The following KLF12 variants were observed in gnomAD, a reference collection of about 807,000 sequenced individuals.
The protein encoded by KLF12 is Krueppel-like factor 12.
In KLF12, 9 loss-of-function variants were observed where a neutral mutation model predicts 37.8. The observed-to-expected ratio is 0.24, with a 90% CI of 0.14 to 0.42. KLF12 has a LOEUF of 0.42. Ranked by LOEUF, KLF12 falls within the 10% of genes least tolerant of loss-of-function variation. The pLI, the probability that KLF12 is intolerant of heterozygous loss-of-function variation, is 1.00. For synonymous variants in KLF12, 208 were observed against 202.1 expected (o/e 1.03, Z -0.25); for missense variants, 411 against 516.0 (o/e 0.80, Z 1.97).
At chr13:73,908,484 CTTTTGTTT>C (rs1888417688) in intron 3 of KLF12, among the ~76,000 whole-genome samples, 1 of 146,150 alleles carries the variant, frequency 6.8e-6, no homozygotes, top group Non-Finnish European at 1.5e-5. Flanking sequence ...TTCTTTTTTT[CTTTTGTTT>C]TTTTTTGAGA....
At chr13:74,145,164 T>C in the KLF12 span, among the ~76,000 whole-genome samples, 1 of 152,142 alleles carries the variant, frequency 6.6e-6, no homozygotes, top group Non-Finnish European at 1.5e-5. Context: ...CACATAAAGA[T>C]TATAATGAAG....
At chr13:74,177,995 T>C in the KLF12 span, among the ~76,000 whole-genome samples, 1 of 152,242 alleles carries the variant, frequency 6.6e-6, no homozygotes, top group Non-Finnish European at 1.5e-5. Context: ...TAGTCTTAAA[T>C]GCATTAGGGG....
chr13:74,124,084 G>T (rs1877798465), intron 1 of KLF12, among the ~76,000 whole-genome samples: 1 of 152,114 alleles, frequency 6.6e-6, no homozygotes, highest in Non-Finnish European at 1.5e-5. Context: ...AAAACACAAG[G>T]TAACGGCCTC....
chr13:74,106,376 G>T (rs117575545), intron 1 of KLF12, among the ~76,000 whole-genome samples: 2,350 of 152,184 alleles, frequency 0.015, 25 homozygotes, highest in Non-Finnish European at 0.025. Flanking sequence ...TGGTGAAATT[G>T]TGATTAATAT....
At chr13:74,138,694 C>G (rs1878625788), upstream of KLF12, among the ~76,000 whole-genome samples, 1 of 152,108 alleles carries the variant, frequency 6.6e-6, no homozygotes, top group South Asian at 2.1e-4. Context: ...TCATGCAGGC[C>G]TTTTCCAGAC....
At chr13:74,152,065 T>A in the KLF12 span, among the ~76,000 whole-genome samples, 7 of 152,158 alleles carry the variant, frequency 4.6e-5, no homozygotes, top group Admixed American at 6.5e-5. Context: ...GTGGCCTGAC[T>A]TTGGAATATA....
chr13:73,782,655 A>T (rs2138203239), intron 5 of KLF12, among the ~76,000 whole-genome samples: 1 of 152,372 alleles, frequency 6.6e-6, no homozygotes, highest in East Asian at 1.9e-4. Context: ...AGTAACCAGT[A>T]TTTTGGAAAT....
At chr13:74,099,465 C>T (rs1207707749) in intron 1 of KLF12, among the ~76,000 whole-genome samples, 1 of 152,202 alleles carries the variant, frequency 6.6e-6, no homozygotes, top group African/African-American at 2.4e-5. Context: ...CACCCTCCAA[C>T]CACGAGAAGA....
intron 6 of KLF12, among the ~76,000 whole-genome samples, chr13:73,753,355 C>T (rs1283731795): frequency 6.6e-6 from 1 of 152,150 alleles, no homozygotes; most frequent in East Asian, 1.9e-4. Flanking sequence ...TCCTGTCATT[C>T]AGCTCCCAGA....
intron 2 of KLF12, among the ~76,000 whole-genome samples, chr13:73,979,901 T>A (rs1312358528): frequency 6.6e-6 from 1 of 152,020 alleles, no homozygotes; most frequent in African/African-American, 2.4e-5. Flanking sequence ...TGGCTGGTGT[T>A]CTTATAAGAA....
intron 1 of KLF12, among the ~76,000 whole-genome samples, chr13:74,041,695 C>G (rs1439363737): frequency 2.2e-5 from 2 of 89,500 alleles, no homozygotes; most frequent in South Asian, 3.2e-4. Context: ...CTGATTTACA[C>G]ACACACACAC....
chr13:73,944,678 T>A (rs1258736311), intron 2 of KLF12, among the ~76,000 whole-genome samples: 4 of 152,210 alleles, frequency 2.6e-5, no homozygotes, highest in African/African-American at 9.7e-5. Context: ...AACAAACAAT[T>A]ATTTGGTCTT....
At chr13:74,092,116 C>T (rs1159273302) in intron 1 of KLF12, among the ~76,000 whole-genome samples, 2 of 151,416 alleles carry the variant, frequency 1.3e-5, no homozygotes, top group Non-Finnish European at 2.9e-5. Context: ...GGTGAAACCC[C>T]GTCTCTACTA....
At chr13:73,707,603 TGGG>T (rs570918136) in intron 7 of KLF12, among the ~76,000 whole-genome samples, 1 of 152,010 alleles carries the variant, frequency 6.6e-6, no homozygotes, top group Admixed American at 6.6e-5. Flanking sequence ...GGAACCTAGA[TGGG>T]GGGGTCTGAA....
chr13:73,714,992 G>C (rs1395925483), intron 7 of KLF12, among the ~76,000 whole-genome samples: 1 of 152,050 alleles, frequency 6.6e-6, no homozygotes, highest in Non-Finnish European at 1.5e-5. Flanking sequence ...GTTTTGAGGA[G>C]AGCAAAAAGC....
rs896809116 is a variant in KLF12, at chr13:73,727,789, C to G, written c.870-12264G>C. Among the ~76,000 whole-genome samples the G allele has an allele frequency of 2.0e-5, 3 of 151,930 alleles. No homozygotes were observed. The East Asian group carries it at 5.8e-4, about 29-fold the overall frequency. On this transcript the variant is annotated intron_variant, in intron 6 of 7. Coordinates refer to ENST00000377669, the MANE Select transcript of KLF12 (RefSeq NM_007249.5). ...CTTGGCTCACTGCAACCTCCGTCTCCCGGGTTCAAGTGATTCTCCTGCCTC... is the reference window on the plus strand; with the variant it reads ...CTTGGCTCACTGCAACCTCCGTCTCGCGGGTTCAAGTGATTCTCCTGCCTC...
chr13:73,716,841 C>T (rs1875850163), intron 6 of KLF12, among the ~76,000 whole-genome samples: 2 of 152,038 alleles, frequency 1.3e-5, no homozygotes, highest in Admixed American at 6.6e-5. Context: ...TTATAACTTA[C>T]CAATTTTAAG....
At chr13:74,127,867 A>G (rs966089899) in intron 1 of KLF12, among the ~76,000 whole-genome samples, 5 of 152,232 alleles carry the variant, frequency 3.3e-5, no homozygotes, top group Non-Finnish European at 7.3e-5. Context: ...TAGCTTAATC[A>G]ACACAATCTT....
At chr13:74,137,410 C>G (rs577582376), upstream of KLF12, among the ~76,000 whole-genome samples, 46 of 152,290 alleles carry the variant, frequency 3.0e-4, no homozygotes, top group African/African-American at 1.0e-3. Flanking sequence ...ATTTCCCTAA[C>G]TATATATAAA....
Sources: allele counts gnomAD v4.1 joint callset (sites outside exome capture counted in the v4.1 genomes callset), GRCh38; gene constraint gnomAD v4.1.1; transcripts MANE v1.5; gene names NCBI Gene and HGNC (gene_info 2026-07-23, HGNC 2026-07-21).